CHST11: variants seen among roughly 807,000 people sequenced by gnomAD.
CHST11 encodes the protein C4S-1.
In CHST11, 9 loss-of-function variants were observed where a neutral mutation model predicts 30.4. The observed-to-expected ratio is 0.30, with a 90% CI of 0.18 to 0.52. CHST11 has a LOEUF of 0.52. Among genes scored for constraint, CHST11 ranks in the 20% least tolerant of loss-of-function variants. CHST11 has a pLI of 0.97. For missense variants in CHST11, 348 were observed against 460.6 expected (o/e 0.76, Z 2.24); for synonymous variants, 152 against 187.8 (o/e 0.81, Z 1.56).
chr12:104,577,981 A>T (rs1490221446), intron 1 of CHST11, among the ~76,000 whole-genome samples: 3 of 152,190 alleles, frequency 2.0e-5, no homozygotes, highest in Non-Finnish European at 4.4e-5. Flanking sequence ...TGTGGTTACC[A>T]TGCACTGAGG....
At chr12:104,680,213 A>T (rs895855597) in intron 2 of CHST11, among the ~76,000 whole-genome samples, 2 of 152,234 alleles carry the variant, frequency 1.3e-5, no homozygotes, top group Non-Finnish European at 2.9e-5. Flanking sequence ...AGAAGATACA[A>T]GGTAGTAATA....
intron 2 of CHST11, among the ~76,000 whole-genome samples, chr12:104,675,311 C>T (rs192733156): frequency 2.0e-5 from 3 of 152,334 alleles, no homozygotes; most frequent in Non-Finnish European, 4.4e-5. Flanking sequence ...GTTATGCTCA[C>T]GTCTTGATGG....
chr12:104,460,279 T>G (rs1250889011), intron 1 of CHST11, among the ~76,000 whole-genome samples: 1 of 152,150 alleles, frequency 6.6e-6, no homozygotes, highest in Non-Finnish European at 1.5e-5. Flanking sequence ...GGGTTCCAGA[T>G]ACCTACATGT....
chr12:104,625,622 CCACTGTTAAGACA>C (rs2039207391), intron 2 of CHST11, among the ~76,000 whole-genome samples: 2 of 152,112 alleles, frequency 1.3e-5, no homozygotes, highest in African/African-American at 4.8e-5. Context: ...CTTTTTCTTT[CCACTGTTAAGACA>C]AACAGGCAAC....
At chr12:104,558,989 G>T (rs1259063729) in intron 1 of CHST11, among the ~76,000 whole-genome samples, 2 of 152,082 alleles carry the variant, frequency 1.3e-5, no homozygotes, top group African/African-American at 2.4e-5. Flanking sequence ...CTCCATTGGA[G>T]GTGGGTGCAA....
At chr12:104,473,400 G>T (rs1477319696) in intron 1 of CHST11, among the ~76,000 whole-genome samples, 1 of 152,206 alleles carries the variant, frequency 6.6e-6, no homozygotes, top group Non-Finnish European at 1.5e-5. Context: ...GGAAGCAGTG[G>T]CAGGAGAAAG....
intron 1 of CHST11, among the ~76,000 whole-genome samples, chr12:104,596,584 C>CCTTGCTG (rs3039150): frequency 0.85 from 128,450 of 151,444 alleles, 54,644 homozygotes; most frequent in East Asian, 1. Flanking sequence ...TGCTACTTGC[C>CCTTGCTG]CTTGCTGACT....
intron 1 of CHST11, among the ~76,000 whole-genome samples, chr12:104,557,611 C>T (rs920939378): frequency 1.3e-5 from 2 of 151,874 alleles, no homozygotes; most frequent in African/African-American, 4.8e-5. Context: ...GGTGGGCAGG[C>T]CTTGCTCTCA....
At chr12:104,752,067 A>G (rs2040436074) in intron 2 of CHST11, among the ~76,000 whole-genome samples, 1 of 152,198 alleles carries the variant, frequency 6.6e-6, no homozygotes, top group African/African-American at 2.4e-5. Flanking sequence ...AACTAAGGAA[A>G]TGTATTCTCT....
At chr12:104,581,333 A>G (rs1368331944) in intron 1 of CHST11, among the ~76,000 whole-genome samples, 1 of 152,242 alleles carries the variant, frequency 6.6e-6, no homozygotes, top group African/African-American at 2.4e-5. Context: ...AGATATTAGT[A>G]CTATCTATGT....
intron 2 of CHST11, among the ~76,000 whole-genome samples, chr12:104,702,027 G>T (rs1186432374): frequency 6.6e-6 from 1 of 152,206 alleles, no homozygotes; most frequent in African/African-American, 2.4e-5. Flanking sequence ...ACCAAGCACT[G>T]CCAAGATCAC....
chr12:104,569,969 G>A lies in CHST11; in HGVS notation c.119-31937G>A, dbSNP rs61741820. On this transcript the variant is annotated intron_variant, in intron 1 of 2. Transcript: ENST00000303694. Reference sequence around the variant, plus strand: ...GGGCCATCTGAACAGCCCCCTCCACGGTCTGCAACATTTCTACATTCTGAT... The same window carrying A: ...GGGCCATCTGAACAGCCCCCTCCACAGTCTGCAACATTTCTACATTCTGAT... Among the ~76,000 whole-genome samples the A allele has an allele frequency of 5.4e-3, 816 of 152,232 alleles. 3 individuals carry two copies. Among genetic ancestry groups the A allele is most frequent in the Admixed American group, 9.2e-3 (141 of 15,292 alleles).
rs566659602 is a variant in CHST11, at chr12:104,720,977, G to A, written c.205-35972G>A. Among the ~76,000 whole-genome samples the A allele has an allele frequency of 4.6e-5, 7 of 152,258 alleles. No homozygotes were observed. In the East Asian group the frequency reaches 9.7e-4, roughly 21 times the overall value. On this transcript the variant is annotated intron_variant, in intron 2 of 2. Transcript: ENST00000303694. ...GCGGAGAAACCATCTCATGTGCCCC[G>A]CAGCGTTTGCTCCAGGGCCGGGGCT...
chr12:104,573,392 G>T (rs369463407), intron 1 of CHST11, among the ~76,000 whole-genome samples: 2 of 151,940 alleles, frequency 1.3e-5, no homozygotes, highest in East Asian at 1.9e-4. Flanking sequence ...AAAAGAGCCC[G>T]CATTGCCAAG....
chr12:104,732,558 C>A (rs559864066), intron 2 of CHST11, among the ~76,000 whole-genome samples: 1 of 152,204 alleles, frequency 6.6e-6, no homozygotes, highest in Non-Finnish European at 1.5e-5. Flanking sequence ...CCCAACCCAC[C>A]CTCTAAGGGT....
chr12:104,505,447 A>G (rs928796430), intron 1 of CHST11, among the ~76,000 whole-genome samples: 14 of 152,110 alleles, frequency 9.2e-5, no homozygotes, highest in African/African-American at 3.4e-4. Flanking sequence ...TCCTGATTTA[A>G]TAGGTCTGGG....
In CHST11 at chr12:104,487,994, G is replaced by A. The variant is rs552481116; in HGVS notation, c.118+30465G>A. On this transcript the variant is annotated intron_variant, in intron 1 of 2. Coordinates refer to ENST00000303694, the MANE Select transcript of CHST11 (RefSeq NM_018413.6). ...CACAATCATAGCTCACTGCAGCCTC[G>A]AACTCCTGGGCTCAAGCAATCCCCC... is the stretch of plus-strand genomic sequence containing the variant. Among the ~76,000 whole-genome samples, 6 of 151,798 alleles carry A rather than the reference G, an allele frequency of 4.0e-5. No homozygotes were observed. The East Asian group carries it at 5.8e-4, about 15-fold the overall frequency.
intron 1 of CHST11, among the ~76,000 whole-genome samples, chr12:104,502,630 G>A (rs2037862742): frequency 6.6e-6 from 1 of 152,212 alleles, no homozygotes; most frequent in Non-Finnish European, 1.5e-5. Context: ...AGCACCAGGT[G>A]TTAAATTGGG....
At chr12:104,571,894 A>C (rs1380735047) in intron 1 of CHST11, among the ~76,000 whole-genome samples, 2 of 152,078 alleles carry the variant, frequency 1.3e-5, no homozygotes, top group Non-Finnish European at 2.9e-5. Context: ...TCCCATCAAT[A>C]CCTAGTTTAT....
Sources: allele counts gnomAD v4.1 joint callset (sites outside exome capture counted in the v4.1 genomes callset), GRCh38; gene constraint gnomAD v4.1.1; transcripts MANE v1.5; gene names NCBI Gene and HGNC (gene_info 2026-07-23, HGNC 2026-07-21).